CDK19: variants seen among roughly 807,000 people sequenced by gnomAD.
The protein encoded by CDK19 is cyclin-dependent kinase 19.
In CDK19, 20 loss-of-function variants were observed where a neutral mutation model predicts 68.3. The observed-to-expected ratio is 0.29, with a 90% confidence interval of 0.21 to 0.43. The LOEUF (loss-of-function observed/expected upper bound fraction) is 0.43. Ranked by LOEUF, CDK19 falls within the 20% of genes least tolerant of loss-of-function variation. CDK19 has a pLI of 1.00. For missense variants in CDK19, 339 were observed against 623.5 expected (o/e 0.54, Z 4.86); for synonymous variants, 221 against 222.8 (o/e 0.99, Z 0.07).
chr6:110,805,507 T>C (rs1415752661), intron 1 of CDK19, among the ~76,000 whole-genome samples: 1 of 151,110 alleles, frequency 6.6e-6, no homozygotes, highest in African/African-American at 2.5e-5. Flanking sequence ...TCAGTATACC[T>C]AAAGGGTTGG....
intron 1 of CDK19, among the ~76,000 whole-genome samples, chr6:110,809,998 A>G (rs1782963399): frequency 6.6e-6 from 1 of 152,206 alleles, no homozygotes; most frequent in African/African-American, 2.4e-5. Flanking sequence ...ACAGGTTTGT[A>G]AGGATAAGGG....
At chr6:110,695,662 T>C (rs183593611) in intron 2 of CDK19, among the ~76,000 whole-genome samples, 2 of 152,092 alleles carry the variant, frequency 1.3e-5, no homozygotes, top group East Asian at 3.9e-4. Context: ...AAACTGGAGA[T>C]ATTACAACCG....
At chr6:110,657,704 GTAAA>G (rs1319811007) in intron 4 of CDK19, among the ~76,000 whole-genome samples, 2 of 152,102 alleles carry the variant, frequency 1.3e-5, no homozygotes, top group African/African-American at 4.8e-5. Flanking sequence ...AGTTAGTTTG[GTAAA>G]TAGTCTTCTT....
At chr6:110,730,665 A>G (rs1244338048) in intron 2 of CDK19, among the ~76,000 whole-genome samples, 4 of 152,228 alleles carry the variant, frequency 2.6e-5, no homozygotes, top group Non-Finnish European at 4.4e-5. Flanking sequence ...TTGTAATTAA[A>G]TTTCTTCTTC....
At chr6:110,618,546 G>A (rs985069722) in intron 12 of CDK19, among the ~76,000 whole-genome samples, 1 of 152,092 alleles carries the variant, frequency 6.6e-6, no homozygotes, top group Non-Finnish European at 1.5e-5. Context: ...TCCTTCTCCC[G>A]ATGGTGTTAG....
At chr6:110,797,738 A>G (rs948878590) in intron 1 of CDK19, among the ~76,000 whole-genome samples, 1 of 152,226 alleles carries the variant, frequency 6.6e-6, no homozygotes, top group Non-Finnish European at 1.5e-5. Context: ...TAATCCCAAC[A>G]CTTTGGGAGG....
At position 110,610,492 on chromosome 6, in the gene CDK19, T is replaced by C. The variant is rs1429028440; in HGVS notation, c.*4043A>G. On this transcript the variant is annotated 3_prime_UTR_variant, in exon 13 of 13. Coordinates refer to ENST00000368911, the MANE Select transcript of CDK19 (RefSeq NM_015076.5). ...AGTGCATTAAGGGTTTTTTTTTTTA[T>C]ATAATACATACATATCACCCCTTTG... is the stretch of plus-strand genomic sequence containing the variant. 6.6e-6 allele frequency: 1 copy of C among 152,226 alleles called. No individual in the cohort carries two copies. Among genetic ancestry groups the C allele is most frequent in the Non-Finnish European group, 1.5e-5 (1 of 67,980 alleles). 9.4% of individuals were successfully genotyped at this position (152,226 alleles called of 1,614,324 possible). A position where few individuals can be genotyped will look rare whatever the true frequency, so the allele number is the denominator to read the frequency against.
At chr6:110,635,472 G>A (rs908399863) in intron 5 of CDK19, among the ~76,000 whole-genome samples, 6 of 152,156 alleles carry the variant, frequency 3.9e-5, no homozygotes, top group African/African-American at 1.2e-4. Context: ...TGCTGAGAAT[G>A]GGAAGGCTTA....
chr6:110,640,126 C>T (rs528967283), intron 4 of CDK19, among the ~76,000 whole-genome samples: 47 of 148,226 alleles, frequency 3.2e-4, no homozygotes, highest in African/African-American at 1.1e-3. Flanking sequence ...GAGGCTGAGG[C>T]GGAAGGATTG....
At chr6:110,793,295 A>C (rs1781721715) in intron 1 of CDK19, among the ~76,000 whole-genome samples, 1 of 152,228 alleles carries the variant, frequency 6.6e-6, no homozygotes, top group African/African-American at 2.4e-5. Flanking sequence ...GCTTAGAGCA[A>C]AGGTAAAATC....
chr6:110,646,213 G>A, intron 4 of CDK19: 1 of 1,415,828 alleles, frequency 7.1e-7, no homozygotes, highest in Non-Finnish European at 9.4e-7. Flanking sequence ...AACTCGTCGG[G>A]GTCCGACGCG....
In CDK19 at chr6:110,612,248, T is replaced by C. The variant is rs1403020227; in HGVS notation, c.*2287A>G. On this transcript the variant is annotated 3_prime_UTR_variant, in exon 13 of 13. Coordinates refer to ENST00000368911, the MANE Select transcript of CDK19 (RefSeq NM_015076.5). ...TTTCCTACAACCACTTAGGAGAGTATGTTCTGCCTACAAGGACCACCCAGT... is the reference window on the plus strand; with the variant it reads ...TTTCCTACAACCACTTAGGAGAGTACGTTCTGCCTACAAGGACCACCCAGT... 6.6e-6 allele frequency: 1 copy of C among 152,296 alleles called. No individual in the cohort carries two copies. Among genetic ancestry groups the C allele is most frequent in the Non-Finnish European group, 1.5e-5 (1 of 68,040 alleles). 9.4% of individuals were successfully genotyped at this position (152,296 alleles called of 1,614,324 possible).
chr6:110,756,439 T>G (rs1257786070), intron 1 of CDK19, among the ~76,000 whole-genome samples: 2 of 150,266 alleles, frequency 1.3e-5, no homozygotes, highest in African/African-American at 2.5e-5. Context: ...GGCTCGCCCC[T>G]TGGTCCCAGA....
intron 12 of CDK19, among the ~76,000 whole-genome samples, chr6:110,614,965 T>C (rs1778220566): frequency 6.6e-6 from 1 of 152,184 alleles, no homozygotes; most frequent in African/African-American, 2.4e-5. Flanking sequence ...TTTATTCCAA[T>C]TCTGGGGTGT....
At position 110,664,905 on chromosome 6, in the gene CDK19, G is replaced by C. The variant is rs559605947; in HGVS notation, c.456+2529C>G. 2.6e-5 allele frequency among the ~76,000 whole-genome samples: 4 copies of C among 152,306 alleles called. No individual in the cohort carries two copies. In the East Asian group the frequency reaches 7.7e-4, roughly 29 times the overall value. ...TAGTATTTGAATATGTTGAGACAGGGATAAGGGGTTTTAAGATAGGGGAAA... is the reference window on the plus strand; with the variant it reads ...TAGTATTTGAATATGTTGAGACAGGCATAAGGGGTTTTAAGATAGGGGAAA... On this transcript the variant is annotated intron_variant, in intron 4 of 12. Coordinates refer to ENST00000368911, the MANE Select transcript of CDK19 (RefSeq NM_015076.5).
intron 1 of CDK19, among the ~76,000 whole-genome samples, chr6:110,799,609 T>C (rs966764303): frequency 5.9e-5 from 9 of 152,166 alleles, no homozygotes; most frequent in Admixed American, 3.3e-4. Context: ...TTCTAATTTT[T>C]TTTTTGGAGA....
At chr6:110,744,868 T>C (rs781186416) in intron 2 of CDK19, among the ~76,000 whole-genome samples, 4 of 152,216 alleles carry the variant, frequency 2.6e-5, no homozygotes, top group Non-Finnish European at 5.9e-5. Flanking sequence ...CATGTGTTCT[T>C]TGCACCACAC....
At chr6:110,690,860 G>T (rs912672783) in intron 2 of CDK19, among the ~76,000 whole-genome samples, 1 of 152,056 alleles carries the variant, frequency 6.6e-6, no homozygotes, top group South Asian at 2.1e-4. Flanking sequence ...AAGGGAAAAA[G>T]AAATTTTATA....
chr6:110,614,421 T>A lies in CDK19; in HGVS notation c.*114A>T. The A allele has an allele frequency of 7.8e-6, 7 of 899,988 alleles. No homozygotes were observed. Among genetic ancestry groups the A allele is most frequent in the Non-Finnish European group, 1.0e-5 (6 of 593,228 alleles). 55.8% of individuals were successfully genotyped at this position (899,988 alleles called of 1,614,324 possible). A position where few individuals can be genotyped will look rare whatever the true frequency, so the allele number is the denominator to read the frequency against. On this transcript the variant is annotated 3_prime_UTR_variant, in exon 13 of 13. Coordinates refer to ENST00000368911, the MANE Select transcript of CDK19 (RefSeq NM_015076.5). Reference sequence around the variant, plus strand: ...CTCAGTATATAAGGTTTTCCTCCCATGTGTATGAGTTTTAAATGGCATCAT... The same window carrying A: ...CTCAGTATATAAGGTTTTCCTCCCAAGTGTATGAGTTTTAAATGGCATCAT...
Sources: gnomAD v4.1 joint callset for allele counts (sites outside exome capture counted in the v4.1 genomes callset) on GRCh38, gnomAD v4.1.1 for gene constraint, MANE v1.5 for transcripts, NCBI Gene and HGNC (gene_info 2026-07-23, HGNC 2026-07-21) for gene names.